Variants in GRK3 observed in about 807,000 individuals in gnomAD.
GRK3 encodes G protein-coupled receptor kinase 3.
In GRK3, 54 loss-of-function variants were observed where a neutral mutation model predicts 95.7. The ratio of observed to expected loss-of-function variants is 0.56; its 90% CI spans 0.45 to 0.71. GRK3 has a LOEUF of 0.71. GRK3 is among the 30% of genes least tolerant of loss of function. GRK3 has a pLI of 0.00. For missense variants in GRK3, 649 were observed against 851.2 expected, an observed-to-expected ratio of 0.76 and a Z score of 2.96; for synonymous variants, 281 against 290.8, an observed-to-expected ratio of 0.97 and a Z score of 0.34.
chr22:25,644,815 T>A, intron 3 of GRK3, 150 bp downstream of exon 3: 1 of 476,512 alleles, frequency 2.1e-6, no homozygotes, highest in Admixed American at 4.1e-5. Context: ...AAGTTTGAGA[T>A]GCTAACAGGT....
chr22:25,651,277 A>G (rs1019223280), intron 3 of GRK3, among the ~76,000 whole-genome samples: 4 of 152,222 alleles, frequency 2.6e-5, no homozygotes, highest in Admixed American at 2.6e-4. Context: ...TCTTACAGTC[A>G]CACCTTAAAT....
At chr22:25,684,912 AAGAG>A (rs1417236506) in intron 9 of GRK3, among the ~76,000 whole-genome samples, 3 of 152,304 alleles carry the variant, frequency 2.0e-5, no homozygotes, top group East Asian at 3.9e-4. Context: ...AAATAGCAAG[AAGAG>A]AGACTTTTGA....
rs1480676745 is a variant in GRK3, at chr22:25,567,412, A to G, written c.113+2259A>G. 2.0e-5 allele frequency among the ~76,000 whole-genome samples: 3 copies of G among 152,102 alleles called. No individual in the cohort carries two copies. In the South Asian group the frequency reaches 6.2e-4, roughly 32 times the overall value. ...AACATCTTGCAAAATTCTCTCTACC[A>G]CTGGATGGCAGTTAGTGGCCTACCT... On this transcript the variant is annotated intron_variant, in intron 1 of 20. Transcript: ENST00000324198.
intron 18 of GRK3, among the ~76,000 whole-genome samples, chr22:25,717,281 A>G (rs889367117): frequency 6.6e-6 from 1 of 152,134 alleles, no homozygotes; most frequent in Non-Finnish European, 1.5e-5. Context: ...CTACCAAGGG[A>G]TGACTGTGCT....
intron 2 of GRK3, among the ~76,000 whole-genome samples, chr22:25,605,356 T>C (rs936123559): frequency 6.6e-6 from 1 of 152,218 alleles, no homozygotes; most frequent in Non-Finnish European, 1.5e-5. Flanking sequence ...AGTTTGGCTT[T>C]CATTTTGTTA....
At chr22:25,667,926 T>C (rs1252486459) in intron 6 of GRK3, 126 bp downstream of exon 6, 6 of 601,736 alleles carry the variant, frequency 1.0e-5, no homozygotes, top group Admixed American at 2.8e-5. Context: ...CCATGTACGA[T>C]GTGCCAGGCT....
chr22:25,682,074 G>T (rs76177579), intron 9 of GRK3, among the ~76,000 whole-genome samples: 2,395 of 152,202 alleles, frequency 0.016, 32 homozygotes, highest in Middle Eastern at 0.065. Flanking sequence ...CTTCACCTGC[G>T]TGTTTATTTT....
chr22:25,631,960 T>G (rs997201568), intron 2 of GRK3, among the ~76,000 whole-genome samples: 1 of 152,240 alleles, frequency 6.6e-6, no homozygotes, highest in Non-Finnish European at 1.5e-5. Context: ...AGTTGGTTTA[T>G]CCATCCACCA....
Position 25,604,382 on chromosome 22 carries a change from G to A in GRK3, c.119G>A (p.Arg40Gln), listed in dbSNP as rs780785785. The A allele has an allele frequency of 6.8e-6, 11 of 1,609,258 alleles. No individual in the cohort carries two copies. Among genetic ancestry groups the A allele is most frequent in the African/African-American group, 1.3e-5 (1 of 74,698 alleles). Residue 40 changes from arginine (R) to glutamine (Q), a missense_variant, in exon 2 of 21, where the codon CGG becomes CAG. Physicochemically the swap from Arg to Gln is conservative, Grantham distance 43. This residue lies in a region of GRK3 where 206 missense variants were observed against 231.4 expected (regional missense o/e 0.89). Transcript: ENST00000324198. ...GTGTCACTCTTCCCTTCCAGTATCC[G>A]GAGTGTGATGCAGAAGTACCTTGCA... ...KRIVLPEPSI[R>Q]SVMQKYLAER...
chr22:25,709,843 A>C, intron 15 of GRK3, 55 bp from the exon 16 acceptor site: 1 of 1,352,140 alleles, frequency 7.4e-7, no homozygotes, highest in South Asian at 1.2e-5. Flanking sequence ...TTTGCACAAT[A>C]TTTATTACGT....
chr22:25,684,534 C>A (rs1287605470), intron 9 of GRK3: 1 of 152,184 alleles, frequency 6.6e-6, no homozygotes, highest in Non-Finnish European at 1.5e-5. Flanking sequence ...CAAAACAACG[C>A]CACAAATAAC....
At chr22:25,591,202 A>G (rs905631178) in intron 1 of GRK3, among the ~76,000 whole-genome samples, 2 of 152,146 alleles carry the variant, frequency 1.3e-5, no homozygotes, top group African/African-American at 4.8e-5. Flanking sequence ...GGAAAATGCT[A>G]TCCTTATGAT....
Position 25,721,617 on chromosome 22 carries a change from C to CT in GRK3, c.1905+221dup, listed in dbSNP as rs149803102. 2.3e-3 allele frequency among the ~76,000 whole-genome samples: 354 copies of CT among 152,264 alleles called. 4 individuals are homozygous for CT. The Middle Eastern group carries it at 0.031, about 13-fold the overall frequency. On this transcript the variant is annotated intron_variant, in intron 20 of 20. Coordinates refer to ENST00000324198, the MANE Select transcript of GRK3 (RefSeq NM_005160.4). Reference sequence around the variant, plus strand: ...ATGCAGGTGAAATAATGTCATTACTCTATCTGGAAAATCTGCTCAGTATTT... The same window carrying CT: ...ATGCAGGTGAAATAATGTCATTACTCTTATCTGGAAAATCTGCTCAGTATTT...
chr22:25,565,963 G>T (rs1931462654), intron 1 of GRK3, among the ~76,000 whole-genome samples: 1 of 152,066 alleles, frequency 6.6e-6, no homozygotes, highest in African/African-American at 2.4e-5. Context: ...ATTGGCGAGG[G>T]GCTCGGTGAG....
chr22:25,623,971 A>G (rs922858668), intron 2 of GRK3, among the ~76,000 whole-genome samples: 5 of 152,126 alleles, frequency 3.3e-5, no homozygotes, highest in African/African-American at 9.6e-5. Flanking sequence ...GGCACTTCCA[A>G]TCTCCAGCTC....
intron 4 of GRK3, among the ~76,000 whole-genome samples, chr22:25,662,539 A>C (rs1304416079): frequency 2.0e-5 from 3 of 152,156 alleles, no homozygotes; most frequent in African/African-American, 7.2e-5. Context: ...GTGCTTCTGT[A>C]TTCATTGTTT....
At chr22:25,589,906 C>G (rs1381566498) in intron 1 of GRK3, among the ~76,000 whole-genome samples, 1 of 151,690 alleles carries the variant, frequency 6.6e-6, no homozygotes, top group Non-Finnish European at 1.5e-5. Flanking sequence ...CAGGGGAACT[C>G]CCCTTTATAA....
chr22:25,686,183 C>G (rs2085112273), intron 10 of GRK3, among the ~76,000 whole-genome samples: 1 of 150,856 alleles, frequency 6.6e-6, no homozygotes, highest in African/African-American at 2.4e-5. Flanking sequence ...GATTACGCCA[C>G]TGCACTCCAG....
chr22:25,623,703 A>T (rs1318000858), intron 2 of GRK3, among the ~76,000 whole-genome samples: 2 of 152,242 alleles, frequency 1.3e-5, no homozygotes. Flanking sequence ...ATTGACATTA[A>T]TGACACCGCT....
Sources: allele counts gnomAD v4.1 joint callset (sites outside exome capture counted in the v4.1 genomes callset), GRCh38; gene constraint gnomAD v4.1.1; regional missense constraint gnomAD v4.1.1; transcripts MANE v1.5; gene names NCBI Gene and HGNC (gene_info 2026-07-23, HGNC 2026-07-21).